Variants in URI1 observed in about 807,000 individuals in gnomAD.
URI1 encodes unconventional prefoldin RPB5 interactor 1.
Under a neutral mutation model 60.2 loss-of-function variants are expected in URI1, and 39 were observed. The observed-to-expected ratio is 0.65, with a 90% CI of 0.50 to 0.85. The LOEUF (loss-of-function observed/expected upper bound fraction) is 0.85. URI1 is among the 40% of genes least tolerant of loss of function. URI1 has a pLI of 0.00. For missense variants in URI1, 691 were observed against 665.9 expected, an observed-to-expected ratio of 1.04 and a Z score of -0.42; for synonymous variants, 251 against 236.8, an observed-to-expected ratio of 1.06 and a Z score of -0.55.
intron 1 of URI1, among the ~76,000 whole-genome samples, chr19:29,960,226 A>G (rs554187150): frequency 6.6e-6 from 1 of 151,952 alleles, no homozygotes; most frequent in Non-Finnish European, 1.5e-5. Context: ...TAAATTTTTC[A>G]TAATTTACTT....
intron 1 of URI1, among the ~76,000 whole-genome samples, chr19:29,968,646 A>C (rs1413212553): frequency 7.9e-6 from 1 of 126,906 alleles, no homozygotes; most frequent in East Asian, 2.3e-4. Context: ...ATCTCGGCTC[A>C]CTGCAAGCTC....
At chr19:29,983,927 A>G (rs577137435) in intron 2 of URI1, among the ~76,000 whole-genome samples, 48 of 152,152 alleles carry the variant, frequency 3.2e-4, no homozygotes, top group Admixed American at 1.4e-3. Context: ...CCAAATTGAA[A>G]CGCCTTTTGT....
At chr19:29,973,782 A>G (rs2145333995) in intron 2 of URI1, among the ~76,000 whole-genome samples, 1 of 152,318 alleles carries the variant, frequency 6.6e-6, no homozygotes, top group South Asian at 2.1e-4. Flanking sequence ...AGTTAATAAC[A>G]GATAAAAAGG....
Position 30,009,161 on chromosome 19 carries a change from A to G in URI1, c.843A>G (p.Gln281=). ...CAAGTTCAGAACCATTCAGTGGTCA[A>G]GTGAATAGTCAGTTGAACTGTTCAG... ...DVASSEPFSG[Q]VNSQLNCSVN... Residue 281 remains glutamine (Q), a synonymous_variant, in exon 8 of 11, where the codon CAA becomes CAG. Coordinates refer to ENST00000392271, the MANE Select transcript of URI1 (RefSeq NM_003796.3). 2 of 1,614,010 alleles carry G rather than the reference A, an allele frequency of 1.2e-6. No homozygotes were observed. The highest frequency in any genetic ancestry group is 1.7e-6 in the Non-Finnish European group (2 of 1,179,974).
chr19:30,001,725 AT>A (rs539942197), intron 4 of URI1, among the ~76,000 whole-genome samples: 80 of 151,784 alleles, frequency 5.3e-4, no homozygotes, highest in Non-Finnish European at 8.4e-4. Context: ...GTTAGGTTCC[AT>A]TTTTTTCTGT....
Position 29,942,253 on chromosome 19 carries a change from G to T in URI1, c.-295G>T, listed in dbSNP as rs1029490329. ...AGAGGCGGGGCGTGTGGGGAGGCGC[G>T]GCCGCCACGCGACGCCTGGCTGGGC... On this transcript the variant is annotated 5_prime_UTR_variant, in exon 1 of 11. Coordinates refer to ENST00000392271, the MANE Select transcript of URI1 (RefSeq NM_003796.3). The T allele has an allele frequency of 1.0e-6, 1 of 984,550 alleles. No individual in the cohort carries two copies. The highest frequency in any genetic ancestry group is 1.8e-5 in the African/African-American group (1 of 57,096). The allele number at this position is 984,550 out of a possible 1,614,324, so 61.0% of individuals were successfully genotyped here. A position where few individuals can be genotyped will look rare whatever the true frequency, so the allele number is the denominator to read the frequency against.
chr19:30,012,785 T>C, intron 10 of URI1: 1 of 352,326 alleles, frequency 2.8e-6, no homozygotes, highest in Non-Finnish European at 5.1e-6. Context: ...TACTTGGCAT[T>C]ATGTATTACA....
intron 1 of URI1, among the ~76,000 whole-genome samples, chr19:29,929,433 CTAAAAATACAAAAATTAGCGGGGTG>C (rs575557954): frequency 4.0e-3 from 607 of 152,100 alleles, no homozygotes; most frequent in Non-Finnish European, 6.6e-3. Context: ...CCCATCTCTA[CTAAAAATACAAAAATTAGCGGGGTG>C]TGGTGGCAGG....
At chr19:29,981,046 T>A (rs929448096) in intron 2 of URI1, among the ~76,000 whole-genome samples, 2 of 152,116 alleles carry the variant, frequency 1.3e-5, no homozygotes, top group African/African-American at 2.4e-5. Flanking sequence ...CTCCCTTTTT[T>A]ATTATTTAAA....
chr19:30,002,367 T>C (rs910196922), intron 4 of URI1, among the ~76,000 whole-genome samples: 5 of 151,996 alleles, frequency 3.3e-5, no homozygotes, highest in African/African-American at 9.7e-5. Context: ...AAATTTTCTT[T>C]TTTGGTTTAA....
At chr19:29,969,961 T>C (rs1026886455) in intron 1 of URI1, among the ~76,000 whole-genome samples, 3 of 152,074 alleles carry the variant, frequency 2.0e-5, no homozygotes, top group African/African-American at 7.2e-5. Flanking sequence ...AAATGGACTT[T>C]TTATGCTGAG....
chr19:29,927,155 T>C (rs2054875489), intron 1 of URI1, among the ~76,000 whole-genome samples: 1 of 151,978 alleles, frequency 6.6e-6, no homozygotes, highest in African/African-American at 2.4e-5. Context: ...GACAGGAGAA[T>C]GGATTCTGGA....
chr19:29,952,175 A>T (rs1252265440), intron 1 of URI1, among the ~76,000 whole-genome samples: 1 of 152,242 alleles, frequency 6.6e-6, no homozygotes, highest in African/African-American at 2.4e-5. Flanking sequence ...TACAGGTCTA[A>T]GAATAAGGGT....
rs2056038465 is a variant in URI1, at chr19:30,012,702, T to C, written c.1425+171T>C. 3.8e-6 allele frequency: 3 copies of C among 799,754 alleles called. No homozygotes were observed. In the South Asian group the frequency reaches 9.0e-5, roughly 24 times the overall value. The allele number at this position is 799,754 out of a possible 1,614,324, so 49.5% of individuals were successfully genotyped here. On this transcript the variant is annotated intron_variant, in intron 10 of 10. Coordinates refer to ENST00000392271, the MANE Select transcript of URI1 (RefSeq NM_003796.3). ...CAGTACAAATATTGTGATAATCAAA[T>C]AGTTTATTTTTTGATAAACACATTA...
intron 1 of URI1, among the ~76,000 whole-genome samples, chr19:29,927,476 G>A (rs748974664): frequency 3.1e-4 from 46 of 150,092 alleles, no homozygotes; most frequent in African/African-American, 1.1e-3. Context: ...TGGCCAGGCT[G>A]GTTTTGAACT....
At chr19:29,926,105 CTGTTTT>C (rs1344703480) in intron 1 of URI1, among the ~76,000 whole-genome samples, 1 of 151,134 alleles carries the variant, frequency 6.6e-6, no homozygotes, top group Non-Finnish European at 1.5e-5. Flanking sequence ...CTCTTTCTTT[CTGTTTT>C]TATTTCAATA....
Position 30,012,204 on chromosome 19 carries a change from G to C in URI1, c.1179-81G>C, listed in dbSNP as rs1299679582. The C allele has an allele frequency of 4.1e-6, 6 of 1,468,140 alleles. No homozygotes were observed. In the East Asian group the frequency reaches 1.2e-4, roughly 28 times the overall value. 90.9% of individuals were successfully genotyped at this position (1,468,140 alleles called of 1,614,324 possible). A position where few individuals can be genotyped will look rare whatever the true frequency, so the allele number is the denominator to read the frequency against. ...AATTTTCAGATTAATTTCTAGAATA[G>C]ATTCAAGGAAATTTTCAAAAAGTTG... On this transcript the variant is annotated intron_variant, in intron 9 of 10. Transcript: ENST00000392271.
chr19:29,959,951 A>T (rs992565840), intron 1 of URI1, among the ~76,000 whole-genome samples: 7 of 152,050 alleles, frequency 4.6e-5, no homozygotes, highest in Non-Finnish European at 8.8e-5. Flanking sequence ...TTATTATAAG[A>T]TATGCATTTT....
intron 4 of URI1, among the ~76,000 whole-genome samples, chr19:30,000,196 A>G (rs575382403): frequency 4.6e-5 from 7 of 151,668 alleles, no homozygotes; most frequent in South Asian, 4.2e-4. Flanking sequence ...TTTTTGTTGC[A>G]TAGTTTTCTA....
Sources: gnomAD v4.1 joint callset for allele counts (sites outside exome capture counted in the v4.1 genomes callset) on GRCh38, gnomAD v4.1.1 for gene constraint, MANE v1.5 for transcripts, NCBI Gene and HGNC (gene_info 2026-07-23, HGNC 2026-07-21) for gene names.